The following WIPF1 variants were observed in gnomAD, a reference collection of about 807,000 sequenced individuals.
WIPF1 encodes the protein WAS/WASL interacting protein family member 1.
In WIPF1, 13 loss-of-function variants were observed where a neutral mutation model predicts 35.4. The ratio of observed to expected loss-of-function variants is 0.37; its 90% CI spans 0.24 to 0.58. The LOEUF is 0.58. Ranked by LOEUF, WIPF1 falls within the 20% of genes least tolerant of loss-of-function variation. The probability of loss-of-function intolerance (pLI) is 0.74; values close to 1 mark genes in which losing one functional copy is unlikely to be tolerated. For synonymous variants in WIPF1, 267 were observed against 266.3 expected, an observed-to-expected ratio of 1.00 and a Z score of -0.02; for missense variants, 591 against 667.0, an observed-to-expected ratio of 0.89 and a Z score of 1.25.
At chr2:174,573,569 G>A (rs1684944557) in intron 4 of WIPF1, among the ~76,000 whole-genome samples, 1 of 152,254 alleles carries the variant, frequency 6.6e-6, no homozygotes, top group African/African-American at 2.4e-5. Flanking sequence ...TTCTGAGAAT[G>A]TGACATGTGA....
chr2:174,628,922 A>G (rs1246362873), intron 1 of WIPF1, among the ~76,000 whole-genome samples: 1 of 152,258 alleles, frequency 6.6e-6, no homozygotes, highest in Non-Finnish European at 1.5e-5. Flanking sequence ...AAATGATGAC[A>G]ACAGCATCTT....
At chr2:174,660,278 C>T (rs529319493) in intron 1 of WIPF1, among the ~76,000 whole-genome samples, 7 of 152,302 alleles carry the variant, frequency 4.6e-5, no homozygotes, top group Admixed American at 2.6e-4. Flanking sequence ...CTGCCTGGGT[C>T]CAAACCCCGG....
intron 1 of WIPF1, among the ~76,000 whole-genome samples, chr2:174,651,887 T>C (rs1396488058): frequency 1.3e-5 from 2 of 152,192 alleles, no homozygotes; most frequent in Admixed American, 6.5e-5. Flanking sequence ...CTTGATGAAC[T>C]GGGGGCTAGA....
chr2:174,590,859 G>A lies in WIPF1; in HGVS notation c.-38-5248C>T, dbSNP rs752837133. Among the ~76,000 whole-genome samples the A allele has an allele frequency of 6.6e-6, 1 of 152,136 alleles. No homozygotes were observed. The highest frequency in any genetic ancestry group is 6.6e-5 in the Admixed American group (1 of 15,264). Reference sequence around the variant, plus strand: ...CCAGACTTTCTAAAATCTTTACTTGGTGTGTTGACTTCTACAAACACAAAG... The same window carrying A: ...CCAGACTTTCTAAAATCTTTACTTGATGTGTTGACTTCTACAAACACAAAG... On this transcript the variant is annotated intron_variant, in intron 1 of 7. Transcript: ENST00000679041. The surrounding 1 kb of genome is among the most constrained non-coding windows in gnomAD (Gnocchi z 4.6).
chr2:174,653,864 CA>C (rs1433835201), intron 1 of WIPF1, among the ~76,000 whole-genome samples: 43 of 152,188 alleles, frequency 2.8e-4, no homozygotes, highest in African/African-American at 1.0e-3. Flanking sequence ...AGTGCTTTGC[CA>C]CTGATCACCT....
intron 1 of WIPF1, among the ~76,000 whole-genome samples, chr2:174,669,584 C>A (rs1000476923): frequency 6.6e-6 from 1 of 152,192 alleles, no homozygotes; most frequent in Non-Finnish European, 1.5e-5. Context: ...CATACATTAA[C>A]GAAATTAACT....
At chr2:174,629,748 T>C (rs1472933628) in intron 1 of WIPF1, 1 of 152,266 alleles carries the variant, frequency 6.6e-6, no homozygotes, top group Non-Finnish European at 1.5e-5. Flanking sequence ...GCCTTCCGCG[T>C]AGCAGGCTGG....
At chr2:174,663,342 A>G (rs1687817594) in intron 1 of WIPF1, among the ~76,000 whole-genome samples, 1 of 152,190 alleles carries the variant, frequency 6.6e-6, no homozygotes. Context: ...GAACCAATAA[A>G]ACATTTTCCC....
chr2:174,661,285 T>A (rs551132119), intron 1 of WIPF1, among the ~76,000 whole-genome samples: 12 of 151,914 alleles, frequency 7.9e-5, no homozygotes, highest in Non-Finnish European at 1.6e-4. Context: ...AAAACATAAA[T>A]CTCATTCTAT....
At chr2:174,608,414 C>T (rs1478011385) in intron 1 of WIPF1, among the ~76,000 whole-genome samples, 1 of 152,170 alleles carries the variant, frequency 6.6e-6, no homozygotes, top group Non-Finnish European at 1.5e-5. Flanking sequence ...AAAAAGCAAA[C>T]AAATACAAGT....
chr2:174,639,059 A>G (rs2105945041), intron 1 of WIPF1, among the ~76,000 whole-genome samples: 1 of 152,236 alleles, frequency 6.6e-6, no homozygotes, highest in South Asian at 2.1e-4. Flanking sequence ...GTACTAGTTT[A>G]CAGTTCCACC....
At chr2:174,611,525 G>A (rs1686346323) in intron 1 of WIPF1, among the ~76,000 whole-genome samples, 2 of 152,180 alleles carry the variant, frequency 1.3e-5, no homozygotes, top group African/African-American at 4.8e-5. Context: ...AGGAGGGAGG[G>A]TCGTCCCTCT....
At chr2:174,672,675 T>C (rs190908129) in intron 1 of WIPF1, among the ~76,000 whole-genome samples, 3 of 152,328 alleles carry the variant, frequency 2.0e-5, no homozygotes, top group African/African-American at 7.2e-5. Context: ...GGATGGACCT[T>C]ACGTGGAGAT....
chr2:174,675,794 C>T (rs1425049338), intron 1 of WIPF1, among the ~76,000 whole-genome samples: 1 of 130,596 alleles, frequency 7.7e-6, no homozygotes, highest in African/African-American at 2.9e-5. Context: ...AGAGACAATA[C>T]GTTGTTTTTG....
At chr2:174,599,682 A>G (rs1224912149), upstream of WIPF1, among the ~76,000 whole-genome samples, 1 of 152,190 alleles carries the variant, frequency 6.6e-6, no homozygotes, top group African/African-American at 2.4e-5. Context: ...GGGAAGTCTA[A>G]TTATAGTTGG....
At chr2:174,677,335 T>C (rs1688155189) in intron 1 of WIPF1, among the ~76,000 whole-genome samples, 2 of 152,208 alleles carry the variant, frequency 1.3e-5, no homozygotes. Context: ...TTAACAAACA[T>C]TGACAACCTA....
Position 174,559,977 on chromosome 2 carries a change from G to A in WIPF1, c.*2570C>T, listed in dbSNP as rs1011647263. On this transcript the variant is annotated 3_prime_UTR_variant, in exon 8 of 8. Coordinates refer to ENST00000679041, the MANE Select transcript of WIPF1 (RefSeq NM_001375834.1). ...TCTCCTGGCTTTTACTAAATAAAATGCATAGTGAAATAAATACTGAACACT... is the reference window on the plus strand; with the variant it reads ...TCTCCTGGCTTTTACTAAATAAAATACATAGTGAAATAAATACTGAACACT... 6.6e-6 allele frequency: 1 copy of A among 152,484 alleles called. No homozygotes were observed. Among genetic ancestry groups the A allele is most frequent in the Non-Finnish European group, 1.5e-5 (1 of 67,992 alleles). The allele number at this position is 152,484 out of a possible 1,614,324, so 9.4% of individuals were successfully genotyped here.
At chr2:174,649,374 C>T (rs1214262705) in intron 1 of WIPF1, among the ~76,000 whole-genome samples, 3 of 152,150 alleles carry the variant, frequency 2.0e-5, no homozygotes, top group Non-Finnish European at 2.9e-5. Context: ...AGGGTTCAGT[C>T]AGGAAAATGC....
intron 1 of WIPF1, among the ~76,000 whole-genome samples, chr2:174,607,191 CAGG>C (rs1686195911): frequency 6.6e-6 from 1 of 152,144 alleles, no homozygotes; most frequent in South Asian, 2.1e-4. Context: ...ATCACGAGGG[CAGG>C]AGATCGAGAC....
Sources: gnomAD v4.1 joint callset for allele counts (sites outside exome capture counted in the v4.1 genomes callset) on GRCh38, gnomAD v4.1.1 for gene constraint, Gnocchi (gnomAD v3.1) non-coding constraint, MANE v1.5 for transcripts, NCBI Gene and HGNC (gene_info 2026-07-23, HGNC 2026-07-21) for gene names.